Variants in FCHO2 observed in about 807,000 individuals in gnomAD.
FCHO2 encodes the protein F-BAR domain only protein 2.
A neutral mutation model predicts 114.1 loss-of-function variants in FCHO2; 43 were observed. That is an observed-to-expected ratio of 0.38 (90% CI 0.30 to 0.49). The LOEUF (loss-of-function observed/expected upper bound fraction) is 0.49, where lower values mean the gene tolerates loss of function less well. Ranked by LOEUF, FCHO2 falls within the 20% of genes least tolerant of loss-of-function variation. The pLI, the probability that FCHO2 is intolerant of heterozygous loss-of-function variation, is 0.97. For synonymous variants in FCHO2, 293 were observed against 315.2 expected, an observed-to-expected ratio of 0.93 and a Z score of 0.75; for missense variants, 807 against 950.4, an observed-to-expected ratio of 0.85 and a Z score of 1.98.
chr5:73,034,734 A>C, intron 9 of FCHO2, 33 bp downstream of exon 9: 1 of 1,529,416 alleles, frequency 6.5e-7, no homozygotes, highest in Non-Finnish European at 8.8e-7. Flanking sequence ...GTTAATGCAC[A>C]TGGCAGCTAG....
rs748825023 is a variant in FCHO2 at position 73,058,467 on chromosome 5, C to G, written c.1288C>G (p.Leu430Val). 4.4e-6 allele frequency: 7 copies of G among 1,574,996 alleles called. No individual in the cohort carries two copies. The South Asian group carries it at 5.9e-5, about 13-fold the overall frequency. ...GTSDLLAWDP[L>V]FGPSLDSSSS... ...CAGTGATTTACTTGCTTGGGACCCCCTATTTGGACCATCTCTTGATTCATC... is the reference window on the plus strand; with the variant it reads ...CAGTGATTTACTTGCTTGGGACCCCGTATTTGGACCATCTCTTGATTCATC... The change falls in exon 17 of 26, where the codon CTA (leucine) becomes GTA (valine). Residue 430 changes from leucine to valine, a missense_variant. Physicochemically the swap from Leu to Val is conservative, Grantham distance 32. Transcript: ENST00000430046.
At chr5:73,087,963 A>G in intron 25 of FCHO2, 105 bp from the exon 26 acceptor site, 1 of 1,490,072 alleles carries the variant, frequency 6.7e-7, no homozygotes, top group Middle Eastern at 1.7e-4. Flanking sequence ...AATGTACTGT[A>G]AATAGCAGAT....
intron 23 of FCHO2, 126 bp from the exon 24 acceptor site, chr5:73,082,635 T>C (rs561757724): frequency 2.4e-4 from 177 of 734,762 alleles, no homozygotes; most frequent in Admixed American, 6.3e-4. Flanking sequence ...CAGTTAATAC[T>C]ACTTAAACTT....
intron 5 of FCHO2, among the ~76,000 whole-genome samples, chr5:72,995,279 A>G (rs551081560): frequency 6.6e-6 from 1 of 150,596 alleles, no homozygotes; most frequent in Non-Finnish European, 1.5e-5. Flanking sequence ...TTTTTGAGAC[A>G]GAGTCTCACT....
intron 8 of FCHO2, among the ~76,000 whole-genome samples, chr5:73,028,346 C>A (rs1243110878): frequency 1.3e-5 from 2 of 152,126 alleles, no homozygotes; most frequent in Non-Finnish European, 2.9e-5. Context: ...GTACACTTAC[C>A]ATATGATCCA....
chr5:73,038,909 A>G (rs1469395789), intron 10 of FCHO2, among the ~76,000 whole-genome samples: 2 of 152,190 alleles, frequency 1.3e-5, no homozygotes, highest in Non-Finnish European at 2.9e-5. Flanking sequence ...TAGTGGCTAT[A>G]TTGTAAAGAA....
chr5:72,968,368 T>A (rs748671993), intron 1 of FCHO2, 130 bp from the exon 2 acceptor site: 12 of 587,170 alleles, frequency 2.0e-5, no homozygotes, highest in Admixed American at 3.9e-5. Context: ...AATCATACAA[T>A]AAATGAGAAA....
chr5:73,066,245 C>T (rs189558789), intron 18 of FCHO2, among the ~76,000 whole-genome samples: 1 of 152,106 alleles, frequency 6.6e-6, no homozygotes, highest in African/African-American at 2.4e-5. Flanking sequence ...AGAAACCACC[C>T]TCTGAGCTTC....
At chr5:73,030,335 C>T (rs554621214) in intron 8 of FCHO2, among the ~76,000 whole-genome samples, 1 of 152,322 alleles carries the variant, frequency 6.6e-6, no homozygotes, top group Admixed American at 6.5e-5. Context: ...AGCCACCATG[C>T]CCAGCCAAGA....
At chr5:73,045,822 T>C (rs2112820395) in intron 11 of FCHO2, among the ~76,000 whole-genome samples, 1 of 152,386 alleles carries the variant, frequency 6.6e-6, no homozygotes, top group African/African-American at 2.4e-5. Flanking sequence ...TTAATTGATA[T>C]ATTTGGACCA....
At chr5:73,078,420 T>A in intron 22 of FCHO2, 108 bp downstream of exon 22, 1 of 1,037,864 alleles carries the variant, frequency 9.6e-7, no homozygotes, top group Non-Finnish European at 1.4e-6. Context: ...TCCCAGAAAT[T>A]CAAGGATGTT....
chr5:73,049,370 G>A (rs979385897), intron 11 of FCHO2, among the ~76,000 whole-genome samples: 12 of 152,056 alleles, frequency 7.9e-5, no homozygotes, highest in African/African-American at 2.9e-4. Context: ...GGTCCACAAA[G>A]CTGCTGGCAT....
intron 11 of FCHO2, among the ~76,000 whole-genome samples, chr5:73,045,168 A>G (rs1756997216): frequency 6.6e-6 from 1 of 152,218 alleles, no homozygotes; most frequent in Admixed American, 6.5e-5. Context: ...TAATATCACA[A>G]CTGAAATATT....
At chr5:72,957,487 C>T (rs1314066739) in intron 1 of FCHO2, among the ~76,000 whole-genome samples, 2 of 152,202 alleles carry the variant, frequency 1.3e-5, no homozygotes, top group East Asian at 3.8e-4. Context: ...CAGTTTCTTT[C>T]ACTTAGCATA....
chr5:72,994,575 G>A (rs779198529), intron 5 of FCHO2, among the ~76,000 whole-genome samples: 7 of 152,108 alleles, frequency 4.6e-5, no homozygotes, highest in South Asian at 2.1e-4. Context: ...AGTGTGTGGC[G>A]ATTCTTCAAA....
chr5:72,962,066 C>T (rs535465401), intron 1 of FCHO2, among the ~76,000 whole-genome samples: 2 of 152,262 alleles, frequency 1.3e-5, no homozygotes, highest in Non-Finnish European at 2.9e-5. Flanking sequence ...ATGCAGAAGA[C>T]TTGACAGTAG....
At chr5:73,028,033 A>G (rs1202640026) in intron 8 of FCHO2, among the ~76,000 whole-genome samples, 2 of 152,058 alleles carry the variant, frequency 1.3e-5, no homozygotes, top group Non-Finnish European at 2.9e-5. Flanking sequence ...CTCTGTATCT[A>G]CAAAAAAATA....
At chr5:72,984,926 G>A (rs773949994) in intron 2 of FCHO2, among the ~76,000 whole-genome samples, 2 of 151,910 alleles carry the variant, frequency 1.3e-5, no homozygotes, top group Non-Finnish European at 2.9e-5. Context: ...ATGAGCTGTT[G>A]CACCTGTCCT....
At chr5:73,029,118 T>G (rs150829141) in intron 8 of FCHO2, among the ~76,000 whole-genome samples, 1 of 152,238 alleles carries the variant, frequency 6.6e-6, no homozygotes. Flanking sequence ...CAAAATTCAT[T>G]AAACTGTACA....
Sources: gnomAD v4.1 joint callset for allele counts (sites outside exome capture counted in the v4.1 genomes callset) on GRCh38, gnomAD v4.1.1 for gene constraint, MANE v1.5 for transcripts, NCBI Gene and HGNC (gene_info 2026-07-23, HGNC 2026-07-21) for gene names.